The following DZIP1L variants were observed in gnomAD, a reference collection of about 807,000 sequenced individuals.
The protein encoded by DZIP1L is cilium assembly protein DZIP1L.
DZIP1L carries 90 observed loss-of-function variants against 88.7 expected under a neutral mutation model. That is an observed-to-expected ratio of 1.02 (90% CI 0.86 to 1.21). The LOEUF (loss-of-function observed/expected upper bound fraction) is 1.21, where lower values mean the gene tolerates loss of function less well. Ranked by LOEUF, DZIP1L falls within the 50% of genes most tolerant of loss-of-function variation. DZIP1L has a pLI of 0.00. For missense variants in DZIP1L, 932 were observed against 955.8 expected, an observed-to-expected ratio of 0.98 and a Z score of 0.33; for synonymous variants, 363 against 372.1, an observed-to-expected ratio of 0.98 and a Z score of 0.28.
chr3:138,081,350 T>C (rs1251524779), intron 9 of DZIP1L, among the ~76,000 whole-genome samples: 1 of 152,024 alleles, frequency 6.6e-6, no homozygotes, highest in African/African-American at 2.4e-5. Context: ...TCACATGGGG[T>C]TGGGGTCAAC....
rs374935280 is a variant in DZIP1L, at chr3:138,068,201, G to A, written c.1782C>T (p.Pro594=). 4.2e-5 allele frequency: 66 copies of A among 1,587,686 alleles called. No homozygotes were observed. Among genetic ancestry groups the A allele is most frequent in the Admixed American group, 7.0e-5 (4 of 56,900 alleles). The change falls in exon 13 of 16, where the codon CCC becomes CCT. Residue 594 remains proline (P), a synonymous_variant. Coordinates refer to ENST00000327532, the MANE Select transcript of DZIP1L (RefSeq NM_173543.3). ...GGGTGCTGGAGGGTCCATGCAGTCC[G>A]GGGCGTGGAGCGGGGGCGGACACCT... ...LTQVSAPAPR[P]GLHGPSSTPP...
At chr3:138,086,201 T>C (rs1256589454) in intron 7 of DZIP1L, among the ~76,000 whole-genome samples, 1 of 150,942 alleles carries the variant, frequency 6.6e-6, no homozygotes, top group Admixed American at 6.6e-5. Flanking sequence ...GGCACATGTA[T>C]ACATATGTAA....
In DZIP1L at chr3:138,062,811, G is replaced by A; in HGVS notation, c.*5C>T. 1 of 1,613,780 alleles carries A rather than the reference G, an allele frequency of 6.2e-7. No individual in the cohort carries two copies. The highest frequency in any genetic ancestry group is 8.5e-7 in the Non-Finnish European group (1 of 1,180,014). ...ACCCTCTAGCCAGCTAGCTTCTGGG[G>A]TGAATCACCAGGCAGGGACCCTGGG... On this transcript the variant is annotated 3_prime_UTR_variant, in exon 16 of 16. Transcript: ENST00000327532.
intron 10 of DZIP1L, among the ~76,000 whole-genome samples, chr3:138,079,671 C>CAGAA (rs995781350): frequency 1.3e-5 from 2 of 152,140 alleles, no homozygotes; most frequent in African/African-American, 4.8e-5. Flanking sequence ...GATAGCTGGG[C>CAGAA]AGAAGGGAGG....
At position 138,097,748 on chromosome 3, in the gene DZIP1L, G is replaced by A. The variant is rs1294471403; in HGVS notation, c.586+15C>T. 1 of 1,604,650 alleles carries A rather than the reference G, an allele frequency of 6.2e-7. No homozygotes were observed. Among genetic ancestry groups the A allele is most frequent in the Admixed American group, 1.7e-5 (1 of 59,146 alleles). On this transcript the variant is annotated intron_variant, in intron 3 of 15. Transcript: ENST00000327532. ...CACAGTCCCAGAAGGGGCCCGGGCT[G>A]CTGTCTGGACTCACCACCTTCTGCC...
At chr3:138,076,584 A>T (rs1943420221) in intron 11 of DZIP1L, among the ~76,000 whole-genome samples, 1 of 152,252 alleles carries the variant, frequency 6.6e-6, no homozygotes, top group Non-Finnish European at 1.5e-5. Flanking sequence ...TCAGCCCTAA[A>T]AAGGAACAAA....
intron 7 of DZIP1L, among the ~76,000 whole-genome samples, chr3:138,086,370 G>GATCTA (rs1282793641): frequency 6.6e-6 from 1 of 152,046 alleles, no homozygotes; most frequent in Non-Finnish European, 1.5e-5. Context: ...GGACCAGACT[G>GATCTA]ATCTAAGCCT....
chr3:138,071,894 A>G, intron 11 of DZIP1L, 59 bp from the exon 12 acceptor site: 1 of 1,504,786 alleles, frequency 6.6e-7, no homozygotes, highest in South Asian at 1.3e-5. Context: ...TCCTTCCCCT[A>G]AGCCTCTCAC....
At chr3:138,102,422 C>A in intron 2 of DZIP1L, 1 of 1,418,996 alleles carries the variant, frequency 7.0e-7, no homozygotes, top group Non-Finnish European at 9.9e-7. Flanking sequence ...TGCATGTTGC[C>A]AAGCTCTGCC....
chr3:138,094,868 C>T lies in DZIP1L; in HGVS notation c.702G>A (p.Gln234=). Residue 234 remains glutamine (Q), a synonymous_variant, in exon 4 of 16, where the codon CAG becomes CAA. Transcript: ENST00000327532. The part of the protein sequence containing the change: ...EAQREAERQR[Q]LQEAELIHQR... The stretch of plus-strand genomic sequence containing the variant: ...GTTTTCTCTCCCTGCCCACCTGGAG[C>T]TGCCGCTGCCTCTCCGCCTCCCTCT... The T allele has an allele frequency of 6.2e-7, 1 of 1,614,216 alleles. No individual in the cohort carries two copies. The highest frequency in any genetic ancestry group is 8.5e-7 in the Non-Finnish European group (1 of 1,180,036).
At chr3:138,071,013 C>T (rs1943152113) in intron 12 of DZIP1L, among the ~76,000 whole-genome samples, 1 of 152,232 alleles carries the variant, frequency 6.6e-6, no homozygotes, top group African/African-American at 2.4e-5. Context: ...ACAGGGCCTT[C>T]TCTTGTCATG....
At chr3:138,104,959 T>C (rs192470202) in intron 1 of DZIP1L, among the ~76,000 whole-genome samples, 2 of 152,130 alleles carry the variant, frequency 1.3e-5, no homozygotes, top group Admixed American at 6.5e-5. Context: ...TGTGAAAAAA[T>C]TGTCATTGTA....
chr3:138,069,122 G>A (rs1441546658), intron 12 of DZIP1L: 1 of 717,706 alleles, frequency 1.4e-6, no homozygotes, highest in Non-Finnish European at 2.4e-6. Flanking sequence ...TGCCACCCGT[G>A]AGACAGCAAG....
At chr3:138,065,039 TGA>T (rs1347126307) in intron 14 of DZIP1L, among the ~76,000 whole-genome samples, 3 of 152,238 alleles carry the variant, frequency 2.0e-5, no homozygotes, top group African/African-American at 7.2e-5. Context: ...TTCCCTCTAA[TGA>T]GAGGCTGAGG....
rs375007288 is a variant in DZIP1L at position 138,088,509 on chromosome 3, T to C, written c.871-2A>G. ...GTGGGACTGCAGTGCCCGCAGTTTC[T>C]GAAAAGGCCAGGGCATAGTTTTATT... On this transcript the variant is annotated splice_acceptor_variant, in intron 5 of 15. Coordinates refer to ENST00000327532, the MANE Select transcript of DZIP1L (RefSeq NM_173543.3). LOFTEE classifies it high-confidence loss of function. 9.5e-5 allele frequency: 154 copies of C among 1,612,908 alleles called. No homozygotes were observed. The highest frequency in any genetic ancestry group is 1.3e-4 in the Non-Finnish European group (153 of 1,179,548).
At chr3:138,085,496 A>T (rs1269411783) in intron 7 of DZIP1L, among the ~76,000 whole-genome samples, 1 of 152,236 alleles carries the variant, frequency 6.6e-6, no homozygotes, top group Non-Finnish European at 1.5e-5. Flanking sequence ...ACCAACAGAC[A>T]CATGAAAAAA....
At chr3:138,073,124 C>A (rs1943256031) in intron 11 of DZIP1L, among the ~76,000 whole-genome samples, 1 of 152,098 alleles carries the variant, frequency 6.6e-6, no homozygotes, top group South Asian at 2.1e-4. Context: ...CCCTTAGGAG[C>A]TGTATGGCCC....
At chr3:138,098,275 T>C (rs1256026347) in intron 2 of DZIP1L, among the ~76,000 whole-genome samples, 4 of 152,204 alleles carry the variant, frequency 2.6e-5, no homozygotes, top group African/African-American at 9.7e-5. Context: ...ACACTGCCCA[T>C]GGGTTGATAC....
At chr3:138,071,529 A>T in intron 12 of DZIP1L, 114 bp downstream of exon 12, 1 of 1,228,518 alleles carries the variant, frequency 8.1e-7, no homozygotes, top group African/African-American at 1.5e-5. Flanking sequence ...AGCCCTTCAG[A>T]GAAGTGCCCC....
Sources: gnomAD v4.1 joint callset for allele counts (sites outside exome capture counted in the v4.1 genomes callset) on GRCh38, gnomAD v4.1.1 for gene constraint, MANE v1.5 for transcripts, NCBI Gene and HGNC (gene_info 2026-07-23, HGNC 2026-07-21) for gene names.